The following HIPK4 variants were observed in gnomAD, a reference collection of about 807,000 sequenced individuals.
HIPK4 encodes the protein homeodomain-interacting protein kinase 4.
Under a neutral mutation model 44.8 loss-of-function variants are expected in HIPK4, and 26 were observed. That is an observed-to-expected ratio of 0.58 (90% CI 0.43 to 0.80). HIPK4 has a LOEUF of 0.80. Among genes scored for constraint, HIPK4 ranks in the 30% least tolerant of loss-of-function variants. The pLI is 0.00. For synonymous variants in HIPK4, 340 were observed against 355.5 expected, an observed-to-expected ratio of 0.96 and a Z score of 0.49; for missense variants, 729 against 862.6, an observed-to-expected ratio of 0.85 and a Z score of 1.94.
At chr19:40,383,736 A>G (rs760089870) in intron 2 of HIPK4, 47 bp downstream of exon 2, 2 of 1,452,720 alleles carry the variant, frequency 1.4e-6, no homozygotes, top group Non-Finnish European at 9.3e-7. Context: ...ATTTTTTTTC[A>G]TGTAACAGCC....
Position 40,380,672 on chromosome 19 carries a change from C to G in HIPK4, c.1319G>C (p.Gly440Ala). The stretch of plus-strand genomic sequence containing the variant: ...ATTGGTGCAGGTCTCACCCCACAGC[C>G]CATGCCCAGCCTCCTGCAGACTCAG... ...DDLSLQEAGHGLWGETCTNAV... is the reference protein window; with the variant it reads ...DDLSLQEAGHALWGETCTNAV... Residue 440 changes from glycine (G) to alanine (A), a missense_variant, in exon 3 of 4, where the codon GGG (glycine) becomes GCG (alanine). Transcript: ENST00000291823. The surrounding 1 kb of genome is among the most constrained non-coding windows in gnomAD (Gnocchi z 4.2). 1 of 1,614,078 alleles carries G rather than the reference C, an allele frequency of 6.2e-7. No homozygotes were observed. Among genetic ancestry groups the G allele is most frequent in the Non-Finnish European group, 8.5e-7 (1 of 1,179,962 alleles).
rs1407260544 is a variant in HIPK4 at position 40,380,856 on chromosome 19, G to A, written c.1135C>T (p.Pro379Ser). The change falls in exon 3 of 4, where the codon CCC (proline) becomes TCC (serine). Residue 379 changes from proline to serine, a missense_variant. By Grantham distance (74) the Pro-to-Ser change is moderately conservative (BLOSUM62 -1). Transcript: ENST00000291823. This position sits in a 1 kb window ranked among gnomAD's most constrained non-coding sequence, Gnocchi z 4.2. ...TCTGCGGCCACGACGGGCGTGGGGGGCTTCCCCTCCACTTGCAGCGAGAGG... is the reference window on the plus strand; with the variant it reads ...TCTGCGGCCACGACGGGCGTGGGGGACTTCCCCTCCACTTGCAGCGAGAGG... Reference protein sequence around the residue: ...YRLSLQVEGKPPTPVVAAEDG... With the variant: ...YRLSLQVEGKSPTPVVAAEDG... 3 of 1,608,590 alleles carry A rather than the reference G, an allele frequency of 1.9e-6. No homozygotes were observed. Among genetic ancestry groups the A allele is most frequent in the Admixed American group, 1.7e-5 (1 of 59,930 alleles).
intron 3 of HIPK4, 84 bp from the exon 4 acceptor site, chr19:40,379,853 G>GGA: frequency 2.2e-6 from 3 of 1,388,340 alleles, no homozygotes; most frequent in Non-Finnish European, 2.9e-6. Context: ...CTCCTGATGA[G>GGA]GGTGAGCATG....
In HIPK4 at chr19:40,380,780, A is replaced by G; in HGVS notation, c.1211T>C (p.Met404Thr). 1.2e-6 allele frequency: 2 copies of G among 1,613,862 alleles called. No homozygotes were observed. Among genetic ancestry groups the G allele is most frequent in the Admixed American group, 1.7e-5 (1 of 59,998 alleles). Residue 404 changes from methionine (M) to threonine (T), a missense_variant, in exon 3 of 4, where the codon ATG becomes ACG. By Grantham distance (81) the Met-to-Thr change is moderately conservative. Coordinates refer to ENST00000291823, the MANE Select transcript of HIPK4 (RefSeq NM_144685.5). The surrounding 1 kb of genome is among the most constrained non-coding windows in gnomAD (Gnocchi z 4.2). ...GGGGCTGCTGCCGGCCACACTGCCC[A>G]TACCCGCAGCCTCCTTCTCCTCAGC... is the stretch of plus-strand genomic sequence containing the variant. ...CLAEEKEAAG[M>T]GSVAGSSPFF...
At chr19:40,386,569 G>A (rs1237016780) in intron 1 of HIPK4, among the ~76,000 whole-genome samples, 1 of 151,880 alleles carries the variant, frequency 6.6e-6, no homozygotes, top group East Asian at 2.0e-4. Flanking sequence ...ATGTTGCCCA[G>A]GATGGCTCCT....
At chr19:40,386,594 C>A (rs1171252664) in intron 1 of HIPK4, among the ~76,000 whole-genome samples, 1 of 152,018 alleles carries the variant, frequency 6.6e-6, no homozygotes, top group African/African-American at 2.4e-5. Context: ...TCAAGTGATC[C>A]TCCTGCCTCA....
Position 40,390,032 on chromosome 19 carries a change from T to C in HIPK4, c.-130A>G. The C allele has an allele frequency of 1.5e-6, 1 of 677,960 alleles. No individual in the cohort carries two copies. Among genetic ancestry groups the C allele is most frequent in the Non-Finnish European group, 2.5e-6 (1 of 404,766 alleles). The allele number at this position is 677,960 out of a possible 1,614,324, so 42.0% of individuals were successfully genotyped here. On this transcript the variant is annotated 5_prime_UTR_variant, in exon 1 of 4. Transcript: ENST00000291823. ...GAAAGAGAACCGCACTCGTGTCTCC[T>C]CCTATGAGGTTGGCCCCTGCTTCCC...
At chr19:40,387,588 C>T (rs1159879587) in intron 1 of HIPK4, among the ~76,000 whole-genome samples, 1 of 152,066 alleles carries the variant, frequency 6.6e-6, no homozygotes, top group African/African-American at 2.4e-5. Flanking sequence ...AAGCGATTCT[C>T]CTGCATCAGC....
chr19:40,380,365 A>G lies in HIPK4; in HGVS notation c.1626T>C (p.Asp542=), dbSNP rs776587901. The change falls in exon 3 of 4, where the codon GAT becomes GAC. Residue 542 remains aspartate, a synonymous_variant. Transcript: ENST00000291823. The surrounding 1 kb of genome is among the most constrained non-coding windows in gnomAD (Gnocchi z 4.2). ...TGTTGTCAATGTTGGGCCCATCCTCATCTCGCTGCAGGATGGCCAGTGGCT... is the reference window on the plus strand; with the variant it reads ...TGTTGTCAATGTTGGGCCCATCCTCGTCTCGCTGCAGGATGGCCAGTGGCT... The part of the protein sequence containing the change: ...SAEPLAILQR[D]EDGPNIDNMT... The G allele has an allele frequency of 4.6e-5, 74 of 1,613,948 alleles. No individual in the cohort carries two copies. The Admixed American group carries it at 5.8e-4, about 13-fold the overall frequency.
At chr19:40,388,573 C>T (rs1486583461) in intron 1 of HIPK4, among the ~76,000 whole-genome samples, 1 of 152,154 alleles carries the variant, frequency 6.6e-6, no homozygotes, top group Non-Finnish European at 1.5e-5. Context: ...GTCCTTCCAC[C>T]TCTTGGGGCA....
At position 40,384,059 on chromosome 19, in the gene HIPK4, C is replaced by T; in HGVS notation, c.546G>A (p.Arg182=). The T allele has an allele frequency of 6.2e-7, 1 of 1,613,664 alleles. No homozygotes were observed. Among genetic ancestry groups the T allele is most frequent in the Non-Finnish European group, 8.5e-7 (1 of 1,179,706 alleles). The change falls in exon 2 of 4, where the codon CGG becomes CGA. Residue 182 remains arginine, a synonymous_variant. Transcript: ENST00000291823. ...GCAGCCCCAGCAGGATCTCAGGGGC[C>T]CGGTAGAAGCGCGACTGGATGTATG... The part of the protein sequence containing the change: ...KEPYIQSRFY[R]APEILLGLPF...
chr19:40,379,838 ACCT>A, intron 3 of HIPK4, 69 bp from the exon 4 acceptor site: 2 of 1,485,894 alleles, frequency 1.3e-6, no homozygotes, highest in Non-Finnish European at 1.8e-6. Context: ...AGCCTCTGTC[ACCT>A]CCTCCTGATG....
In HIPK4 at chr19:40,380,346, C is replaced by T; in HGVS notation, c.1645G>A (p.Asp549Asn). The change falls in exon 3 of 4, where the codon GAC becomes AAC. Residue 549 changes from aspartate to asparagine, a missense_variant. Physicochemically the swap from Asp to Asn is conservative, Grantham distance 23 (BLOSUM62 1). This residue lies in a region of HIPK4 where 533 missense variants were observed against 567.5 expected (regional missense o/e 0.94). Coordinates refer to ENST00000291823, the MANE Select transcript of HIPK4 (RefSeq NM_144685.5). This position sits in a 1 kb window ranked among gnomAD's most constrained non-coding sequence, Gnocchi z 4.2. ...ACCTCAGCTTCCATGGTCATGTTGT[C>T]AATGTTGGGCCCATCCTCATCTCGC... is the stretch of plus-strand genomic sequence containing the variant. ...LQRDEDGPNI[D>N]NMTMEAERPD... 6.2e-7 allele frequency: 1 copy of T among 1,613,904 alleles called. No individual in the cohort carries two copies. The highest frequency in any genetic ancestry group is 1.7e-5 in the Admixed American group (1 of 60,014).
intron 2 of HIPK4, among the ~76,000 whole-genome samples, chr19:40,381,835 C>T (rs1327656401): frequency 8.9e-6 from 1 of 112,234 alleles, no homozygotes; most frequent in African/African-American, 3.4e-5. Context: ...GACAGAGTTT[C>T]ACTCTTGTTG....
intron 2 of HIPK4, among the ~76,000 whole-genome samples, chr19:40,382,290 C>G (rs1225440849): frequency 1.3e-5 from 2 of 152,122 alleles, no homozygotes; most frequent in African/African-American, 4.8e-5. Context: ...AAAATTTTTT[C>G]TAGAGACACG....
intron 1 of HIPK4, among the ~76,000 whole-genome samples, chr19:40,387,154 C>T (rs1568697230): frequency 6.6e-6 from 1 of 152,076 alleles, no homozygotes; most frequent in Non-Finnish European, 1.5e-5. Flanking sequence ...TGTGCCTGGC[C>T]ATTTGTACCT....
rs765212242 is a variant in HIPK4 at position 40,389,252 on chromosome 19, G to C, written c.465+186C>G. Among the ~76,000 whole-genome samples, 2 of 152,080 alleles carry C rather than the reference G, an allele frequency of 1.3e-5. No individual in the cohort carries two copies. The highest frequency in any genetic ancestry group is 2.4e-5 in the African/African-American group (1 of 41,386). ...AGGCAGGATAATCACTTGAACCCAGGAGGCGGAGTTGCAGTGAGCTGAGAT... is the reference window on the plus strand; with the variant it reads ...AGGCAGGATAATCACTTGAACCCAGCAGGCGGAGTTGCAGTGAGCTGAGAT... On this transcript the variant is annotated intron_variant, in intron 1 of 3. Transcript: ENST00000291823. The surrounding 1 kb of genome is among the most constrained non-coding windows in gnomAD (Gnocchi z 4.6).
At position 40,380,379 on chromosome 19, in the gene HIPK4, T is replaced by C. The variant is rs773534482; in HGVS notation, c.1612A>G (p.Ile538Val). The part of the protein sequence containing the change: ...HLGASAEPLA[I>V]LQRDEDGPNI... ...GGCCCATCCTCATCTCGCTGCAGGA[T>C]GGCCAGTGGCTCAGCAGAGGCCCCG... The change falls in exon 3 of 4, where the codon ATC becomes GTC. Residue 538 changes from isoleucine to valine, a missense_variant. By Grantham distance (29) the Ile-to-Val change is conservative. Around this residue, in one of 2 missense-constraint regions of HIPK4, gnomAD observed 533 missense variants for 567.5 expected, o/e 0.94. Transcript: ENST00000291823. The surrounding 1 kb of genome is among the most constrained non-coding windows in gnomAD (Gnocchi z 4.2). The C allele has an allele frequency of 6.2e-7, 1 of 1,614,226 alleles. No individual in the cohort carries two copies. The highest frequency in any genetic ancestry group is 8.5e-7 in the Non-Finnish European group (1 of 1,180,044).
chr19:40,383,207 C>T (rs1374684124), intron 2 of HIPK4, among the ~76,000 whole-genome samples: 10 of 150,568 alleles, frequency 6.6e-5, no homozygotes, highest in South Asian at 4.2e-4. Flanking sequence ...CTCAGCCCGC[C>T]GAGTAGCTGG....
Sources: allele counts gnomAD v4.1 joint callset (sites outside exome capture counted in the v4.1 genomes callset), GRCh38; gene constraint gnomAD v4.1.1; regional missense constraint gnomAD v4.1.1; non-coding constraint Gnocchi (gnomAD v3.1); transcripts MANE v1.5; gene names NCBI Gene and HGNC (gene_info 2026-07-23, HGNC 2026-07-21).